Variants in ADARB2 observed in about 807,000 individuals in gnomAD.
The protein encoded by ADARB2 is adenosine deaminase RNA specific B2 (inactive), also known as inactive double-stranded RNA-specific editase B2.
In ADARB2, 25 loss-of-function variants were observed where a neutral mutation model predicts 62.2. That is an observed-to-expected ratio of 0.40 (90% CI 0.29 to 0.56). The LOEUF is 0.56. ADARB2 is among the 20% of genes least tolerant of loss of function. The pLI is 0.43. For synonymous variants in ADARB2, 572 were observed against 500.8 expected (o/e 1.14, Z -1.90); for missense variants, 1,071 against 1,077.4 (o/e 0.99, Z 0.08).
intron 1 of ADARB2, among the ~76,000 whole-genome samples, chr10:1,510,156 C>CTTTCTTTCTT (rs1564312636): frequency 5.6e-4 from 61 of 109,154 alleles, no homozygotes; most frequent in African/African-American, 2.0e-3. Flanking sequence ...TTCTTTCTTT[C>CTTTCTTTCTT]TTTCTTTCTT....
chr10:1,613,599 G>A (rs7087342), intron 1 of ADARB2, among the ~76,000 whole-genome samples: 15,913 of 152,234 alleles, frequency 0.1, 2,304 homozygotes, highest in African/African-American at 0.32. Context: ...CTATTAGCAC[G>A]TCAGTGTATC....
rs6560739 is a variant in ADARB2, at chr10:1,577,956, G to C, written c.100+159095C>G. Among the ~76,000 whole-genome samples the C allele has an allele frequency of 6.6e-5, 10 of 152,302 alleles. 1 individual carries two copies. Among genetic ancestry groups the C allele is most frequent in the African/African-American group, 2.4e-4 (10 of 41,540 alleles). On this transcript the variant is annotated intron_variant, in intron 1 of 9. Coordinates refer to ENST00000381312, the MANE Select transcript of ADARB2 (RefSeq NM_018702.4). Reference sequence around the variant, plus strand: ...GTGAGGACACAGGGAGAAGACAGTGGCTGCAAGCCATGAAGAGAAGCCTTA... The same window carrying C: ...GTGAGGACACAGGGAGAAGACAGTGCCTGCAAGCCATGAAGAGAAGCCTTA...
rs530281688 is a variant in ADARB2 at position 1,472,492 on chromosome 10, AGTG to A, written c.101-93335_101-93333del. 2.0e-5 allele frequency among the ~76,000 whole-genome samples: 3 copies of A among 152,274 alleles called. No individual in the cohort carries two copies. The South Asian group carries it at 6.2e-4, about 32-fold the overall frequency. On this transcript the variant is annotated intron_variant, in intron 1 of 9. Transcript: ENST00000381312. ...GCTCTGGACCGTGGGGGTGTACCCA[AGTG>A]GACACCGGGCCAGGAGAGTCTTCCT...
intron 1 of ADARB2, among the ~76,000 whole-genome samples, chr10:1,512,119 G>T (rs1564313221): frequency 6.6e-6 from 1 of 151,838 alleles, no homozygotes; most frequent in African/African-American, 2.4e-5. Flanking sequence ...TGTCAATGCT[G>T]TCTACACTGG....
At chr10:1,581,459 G>A (rs928959146) in intron 1 of ADARB2, among the ~76,000 whole-genome samples, 9 of 152,206 alleles carry the variant, frequency 5.9e-5, no homozygotes, top group Admixed American at 2.6e-4. Flanking sequence ...TGGAGCCTGG[G>A]CCCTGGAGCC....
intron 7 of ADARB2, among the ~76,000 whole-genome samples, chr10:1,212,038 C>T (rs372538200): frequency 3.3e-5 from 5 of 152,344 alleles, no homozygotes; most frequent in South Asian, 2.1e-4. Context: ...GTCATTTCCA[C>T]GGCCACGTGT....
intron 1 of ADARB2, among the ~76,000 whole-genome samples, chr10:1,719,360 A>ATTC (rs1835059469): frequency 6.6e-6 from 1 of 152,212 alleles, no homozygotes; most frequent in Non-Finnish European, 1.5e-5. Flanking sequence ...TACACCACTG[A>ATTC]TTCTTCTCTC....
At chr10:1,318,542 T>G (rs1216441605) in intron 3 of ADARB2, among the ~76,000 whole-genome samples, 3 of 152,190 alleles carry the variant, frequency 2.0e-5, no homozygotes, top group Non-Finnish European at 4.4e-5. Context: ...GATTTCTCAG[T>G]GCACACATCA....
intron 3 of ADARB2, among the ~76,000 whole-genome samples, chr10:1,328,996 T>TAA (rs376461606): frequency 0.064 from 4,848 of 75,598 alleles, 406 homozygotes; most frequent in African/African-American, 0.17. Flanking sequence ...GACCCTGTCT[T>TAA]AAAAAAAAAA....
intron 6 of ADARB2, 79 bp downstream of exon 6, chr10:1,233,608 CTGGGCTG>C: frequency 7.0e-7 from 1 of 1,429,544 alleles, no homozygotes; most frequent in Non-Finnish European, 9.3e-7. Context: ...CGCCCCTGCC[CTGGGCTG>C]TGAAAGCCCA....
intron 1 of ADARB2, among the ~76,000 whole-genome samples, chr10:1,669,543 C>T (rs577325271): frequency 8.6e-5 from 13 of 151,474 alleles, no homozygotes; most frequent in African/African-American, 2.7e-4. Flanking sequence ...AAAACACAGG[C>T]ACACTCAGAG....
intron 1 of ADARB2, among the ~76,000 whole-genome samples, chr10:1,624,444 G>A (rs551102760): frequency 2.0e-5 from 3 of 152,214 alleles, no homozygotes; most frequent in East Asian, 1.9e-4. Flanking sequence ...GCTGGGAGCC[G>A]AGCACGCCCT....
intron 1 of ADARB2, among the ~76,000 whole-genome samples, chr10:1,506,764 G>A (rs1588281135): frequency 6.6e-6 from 1 of 152,218 alleles, no homozygotes; most frequent in Admixed American, 6.5e-5. Context: ...TCCTATGTTG[G>A]TACCCCAACC....
chr10:1,673,665 A>G (rs1425011050), intron 1 of ADARB2, among the ~76,000 whole-genome samples: 4 of 152,212 alleles, frequency 2.6e-5, no homozygotes, highest in Admixed American at 2.6e-4. Context: ...GTCGGATCAT[A>G]ACGATGACGA....
chr10:1,383,786 G>A (rs1217367822), intron 1 of ADARB2, among the ~76,000 whole-genome samples: 4 of 152,198 alleles, frequency 2.6e-5, no homozygotes, highest in Admixed American at 6.5e-5. Context: ...TCCTCAGCAC[G>A]TCCCAGGCTT....
intron 1 of ADARB2, among the ~76,000 whole-genome samples, chr10:1,671,923 T>G (rs567408103): frequency 1.3e-5 from 2 of 152,138 alleles, no homozygotes; most frequent in African/African-American, 4.8e-5. Flanking sequence ...TAAAAGCCCT[T>G]TCTCACTGGC....
chr10:1,474,688 C>T (rs1229482003), intron 1 of ADARB2, among the ~76,000 whole-genome samples: 1 of 152,166 alleles, frequency 6.6e-6, no homozygotes, highest in Non-Finnish European at 1.5e-5. Context: ...CACCTGCACC[C>T]AGGATACAGG....
At chr10:1,473,390 G>A (rs919744239) in intron 1 of ADARB2, among the ~76,000 whole-genome samples, 1 of 150,568 alleles carries the variant, frequency 6.6e-6, no homozygotes, top group African/African-American at 2.4e-5. Context: ...GTTTTGTTTT[G>A]TTTTTTTTTC....
At chr10:1,667,110 G>A (rs1019119794) in intron 1 of ADARB2, among the ~76,000 whole-genome samples, 19 of 152,306 alleles carry the variant, frequency 1.2e-4, no homozygotes, top group African/African-American at 4.6e-4. Flanking sequence ...AATTATTTGC[G>A]TAAATTGTCC....
Sources: allele counts gnomAD v4.1 joint callset (sites outside exome capture counted in the v4.1 genomes callset), GRCh38; gene constraint gnomAD v4.1.1; transcripts MANE v1.5; gene names NCBI Gene and HGNC (gene_info 2026-07-23, HGNC 2026-07-21).